The following IL1RAPL2 variants were observed in gnomAD, a reference collection of about 807,000 sequenced individuals.
IL1RAPL2 encodes the protein X-linked interleukin-1 receptor accessory protein-like 2.
IL1RAPL2 carries 3 observed loss-of-function variants against 44.1 expected under a neutral mutation model. The observed-to-expected ratio is 0.07, with a 90% CI of 0.03 to 0.18. The LOEUF (loss-of-function observed/expected upper bound fraction) is 0.18, where lower values mean the gene tolerates loss of function less well. IL1RAPL2 is among the 10% of genes least tolerant of loss of function. IL1RAPL2 has a pLI of 1.00. For missense variants in IL1RAPL2, 391 were observed against 496.4 expected (o/e 0.79, Z 2.02); for synonymous variants, 181 against 178.8 (o/e 1.01, Z -0.10).
Position 104,889,150 on chromosome X carries a change from C to T in IL1RAPL2, c.82+230155C>T, listed in dbSNP as rs1317060059. Among the ~76,000 whole-genome samples the T allele has an allele frequency of 5.4e-5, 6 of 110,751 alleles. No individual in the cohort carries two copies. In the Admixed American group the frequency reaches 5.8e-4, roughly 11 times the overall value. On this transcript the variant is annotated intron_variant, in intron 2 of 10. Coordinates refer to ENST00000372582, the MANE Select transcript of IL1RAPL2 (RefSeq NM_017416.2). Reference sequence around the variant, plus strand: ...GGCCCCCAAAAGTCATCATCTCCTCCCTACTTAACAAACAGTCCAGGTTCT... The same window carrying T: ...GGCCCCCAAAAGTCATCATCTCCTCTCTACTTAACAAACAGTCCAGGTTCT...
At chrX:105,741,188 T>C (rs1180840838) in intron 8 of IL1RAPL2, among the ~76,000 whole-genome samples, 1 of 112,000 alleles carries the variant, frequency 8.9e-6, no homozygotes, top group East Asian at 2.8e-4. Flanking sequence ...TAAGAGATCT[T>C]TATCAGGTGC....
intron 2 of IL1RAPL2, among the ~76,000 whole-genome samples, chrX:105,003,804 C>T (rs1169279865): frequency 2.7e-5 from 3 of 111,166 alleles, no homozygotes; most frequent in Non-Finnish European, 3.8e-5. Flanking sequence ...CCAGGCCCCA[C>T]ACACTCAGAT....
At chrX:105,370,640 A>T (rs1394603093) in intron 5 of IL1RAPL2, among the ~76,000 whole-genome samples, 1 of 112,156 alleles carries the variant, frequency 8.9e-6, no homozygotes, top group Non-Finnish European at 1.9e-5. Flanking sequence ...ATAGGTACTT[A>T]GGTTGATTCC....
intron 2 of IL1RAPL2, among the ~76,000 whole-genome samples, chrX:105,157,107 CAAAA>C (rs1294362653): frequency 1.1e-4 from 4 of 34,981 alleles, no homozygotes; most frequent in African/African-American, 9.0e-5. Context: ...TTCGAGTTAG[CAAAA>C]AAAAAAAAAA....
chrX:105,227,299 A>C lies in IL1RAPL2; in HGVS notation c.357-6519A>C, dbSNP rs2034026377. On this transcript the variant is annotated intron_variant, in intron 3 of 10. Transcript: ENST00000372582. ...TGTTTAATTACCAGGTTTACACCTT[A>C]CGGAAAAAATGTACATAAACTTAAA... Among the ~76,000 whole-genome samples the C allele has an allele frequency of 2.7e-5, 3 of 112,329 alleles. No homozygotes were observed. The South Asian group carries it at 1.1e-3, about 41-fold the overall frequency.
chrX:105,047,191 A>G (rs2031851106), intron 2 of IL1RAPL2, among the ~76,000 whole-genome samples: 1 of 111,427 alleles, frequency 9.0e-6, no homozygotes, highest in Non-Finnish European at 1.9e-5. Flanking sequence ...GACTTAATTT[A>G]AATATTTGAA....
intron 2 of IL1RAPL2, among the ~76,000 whole-genome samples, chrX:104,842,826 C>T (rs1230465250): frequency 1.8e-5 from 2 of 112,471 alleles, no homozygotes; most frequent in East Asian, 5.7e-4. Context: ...AGGTGTCTGT[C>T]CACCCCTGTT....
chrX:104,839,178 A>AT (rs1433864778), intron 2 of IL1RAPL2, among the ~76,000 whole-genome samples: 1 of 110,059 alleles, frequency 9.1e-6, no homozygotes, highest in African/African-American at 3.3e-5. Context: ...ATGCTACTAG[A>AT]TTTTGTTCAT....
At chrX:105,026,477 A>G (rs948652198) in intron 2 of IL1RAPL2, among the ~76,000 whole-genome samples, 1 of 111,078 alleles carries the variant, frequency 9.0e-6, no homozygotes, top group Non-Finnish European at 1.9e-5. Flanking sequence ...AAAAACTATT[A>G]GAACTGATAA....
At chrX:105,230,087 A>G (rs1459337401) in intron 3 of IL1RAPL2, among the ~76,000 whole-genome samples, 6 of 112,247 alleles carry the variant, frequency 5.3e-5, no homozygotes, top group Admixed American at 2.8e-4. Context: ...GTGAGCCACC[A>G]TGCCCGGCCA....
intron 5 of IL1RAPL2, among the ~76,000 whole-genome samples, chrX:105,366,088 C>T (rs1290471541): frequency 1.8e-5 from 2 of 111,043 alleles, no homozygotes; most frequent in Non-Finnish European, 3.8e-5. Flanking sequence ...ACTGGGATTA[C>T]AGGCGCCTGC....
At chrX:104,904,143 T>C (rs897639206) in intron 2 of IL1RAPL2, among the ~76,000 whole-genome samples, 43 of 110,154 alleles carry the variant, frequency 3.9e-4, no homozygotes, top group Middle Eastern at 4.7e-3. Context: ...TATCACCAAC[T>C]AATGGCCATT....
chrX:104,674,277 T>A (rs1454517626), intron 2 of IL1RAPL2, among the ~76,000 whole-genome samples: 3 of 111,769 alleles, frequency 2.7e-5, no homozygotes, highest in South Asian at 3.8e-4. Flanking sequence ...CGTCCCATCA[T>A]TACCTAATTT....
intron 5 of IL1RAPL2, among the ~76,000 whole-genome samples, chrX:105,453,157 C>T (rs905586489): frequency 4.5e-5 from 5 of 111,694 alleles, no homozygotes; most frequent in Non-Finnish European, 9.4e-5. Flanking sequence ...CCCCACTCCC[C>T]GTATCTATTT....
At chrX:105,730,602 C>T (rs2038398276) in intron 7 of IL1RAPL2, among the ~76,000 whole-genome samples, 1 of 110,930 alleles carries the variant, frequency 9.0e-6, no homozygotes, top group Non-Finnish European at 1.9e-5. Context: ...AAGAATAGAC[C>T]ATATGTTAGG....
intron 2 of IL1RAPL2, among the ~76,000 whole-genome samples, chrX:104,825,188 G>A (rs1020052978): frequency 2.7e-5 from 3 of 111,405 alleles, no homozygotes; most frequent in Non-Finnish European, 5.7e-5. Flanking sequence ...ACACAGCAGA[G>A]GTTCCTAGAT....
chrX:104,595,953 G>T (rs1243785968), intron 1 of IL1RAPL2, among the ~76,000 whole-genome samples: 1 of 109,151 alleles, frequency 9.2e-6, no homozygotes, highest in Admixed American at 9.9e-5. Flanking sequence ...AAAAAGCATT[G>T]CTTGAGACAA....
At chrX:104,675,796 A>G (rs1350773300) in intron 2 of IL1RAPL2, among the ~76,000 whole-genome samples, 3 of 110,320 alleles carry the variant, frequency 2.7e-5, no homozygotes, top group Admixed American at 1.9e-4. Flanking sequence ...TATTGGGTGC[A>G]TATATATGTA....
intron 1 of IL1RAPL2, among the ~76,000 whole-genome samples, chrX:104,587,108 G>A (rs1192746598): frequency 5.4e-5 from 6 of 111,448 alleles, no homozygotes; most frequent in African/African-American, 2.0e-4. Flanking sequence ...GCTTCACAGA[G>A]CATCACCACT....
Sources: allele counts gnomAD v4.1 joint callset (sites outside exome capture counted in the v4.1 genomes callset), GRCh38; gene constraint gnomAD v4.1.1; transcripts MANE v1.5; gene names NCBI Gene and HGNC (gene_info 2026-07-23, HGNC 2026-07-21).